Variants in CIITA observed in about 807,000 individuals in gnomAD.
The protein encoded by CIITA is class II major histocompatibility complex transactivator.
CIITA carries 72 observed loss-of-function variants against 115.1 expected under a neutral mutation model. The observed-to-expected ratio is 0.63, with a 90% CI of 0.52 to 0.76. The LOEUF (loss-of-function observed/expected upper bound fraction) is 0.76. Among genes scored for constraint, CIITA ranks in the 30% least tolerant of loss-of-function variants. The pLI is 0.00. For missense variants in CIITA, 1,617 were observed against 1,463.8 expected (o/e 1.10, Z -1.71); for synonymous variants, 763 against 635.6 (o/e 1.20, Z -3.02).
At chr16:10,915,144 G>A (rs2039863824) in intron 13 of CIITA, 1 of 425,030 alleles carries the variant, frequency 2.4e-6, no homozygotes, top group East Asian at 7.0e-5. Context: ...TCCACCTCCT[G>A]GGCTCAAGCG....
In CIITA at chr16:10,906,886, T is replaced by C. The variant is rs1387853135; in HGVS notation, c.1394T>C (p.Leu465Pro). 1 of 1,613,500 alleles carries C rather than the reference T, an allele frequency of 6.2e-7. No individual in the cohort carries two copies. The highest frequency in any genetic ancestry group is 1.7e-5 in the Admixed American group (1 of 60,022). ...CLNRPGDAYG[L>P]QDLLFSLGPQ... ...AACCGTCCGGGGGATGCCTATGGCC[T>C]GCAGGATCTGCTCTTCTCCCTGGGC... is the stretch of plus-strand genomic sequence containing the variant. The change falls in exon 11 of 20, where the codon CTG becomes CCG. Residue 465 changes from leucine (L) to proline (P), a missense_variant. Physicochemically the swap from Leu to Pro is moderately conservative, Grantham distance 98. Transcript: ENST00000324288.
chr16:10,880,238 C>T lies in CIITA; in HGVS notation c.52+2856C>T, dbSNP rs138866756. ...CAGGCTCCCCACACATGAACATCAC[C>T]TGGGATGATCAACCTGTTCAGGATG... is the stretch of plus-strand genomic sequence containing the variant. On this transcript the variant is annotated intron_variant, in intron 1 of 19. Transcript: ENST00000324288. Among the ~76,000 whole-genome samples, 807 of 152,222 alleles carry T rather than the reference C, an allele frequency of 5.3e-3. 7 individuals carry two copies. Among genetic ancestry groups the T allele is most frequent in the African/African-American group, 0.018 (762 of 41,524 alleles).
At chr16:10,872,961 C>T (rs1194748912), upstream of CIITA, among the ~76,000 whole-genome samples, 7 of 152,110 alleles carry the variant, frequency 4.6e-5, no homozygotes, top group Admixed American at 4.6e-4. Flanking sequence ...AATAGTGTAT[C>T]TTCTATTTTA....
At chr16:10,905,963 G>A (rs56242210) in intron 10 of CIITA, among the ~76,000 whole-genome samples, 3 of 152,070 alleles carry the variant, frequency 2.0e-5, no homozygotes, top group African/African-American at 2.4e-5. Flanking sequence ...AAGGCGGAAC[G>A]ATTGCTTGAG....
chr16:10,929,191 C>G lies in CIITA; in HGVS notation c.*5336C>G, dbSNP rs1273340276. 4.1e-6 allele frequency: 4 copies of G among 985,300 alleles called. No individual in the cohort carries two copies. The highest frequency in any genetic ancestry group is 3.6e-6 in the Non-Finnish European group (3 of 829,500). The allele number at this position is 985,300 out of a possible 1,614,324, so 61.0% of individuals were successfully genotyped here. The stretch of plus-strand genomic sequence containing the variant: ...ATCTAAGACCAGCCTCGGGCTAAAC[C>G]CAGCTGGCCTGAAGGCTCAACTCAC... On this transcript the variant is annotated 3_prime_UTR_variant, in exon 20 of 20. Coordinates refer to ENST00000324288, the MANE Select transcript of CIITA (RefSeq NM_000246.4). The surrounding 1 kb of genome is among the most constrained non-coding windows in gnomAD (Gnocchi z 4.3).
Position 10,926,767 on chromosome 16 carries a change from G to A in CIITA, c.*2912G>A, listed in dbSNP as rs972581714. The A allele has an allele frequency of 6.6e-6, 1 of 152,200 alleles. No homozygotes were observed. The highest frequency in any genetic ancestry group is 2.4e-5 in the African/African-American group (1 of 41,410). The allele number at this position is 152,200 out of a possible 1,614,324, so 9.4% of individuals were successfully genotyped here. A position where few individuals can be genotyped will look rare whatever the true frequency, so the allele number is the denominator to read the frequency against. On this transcript the variant is annotated 3_prime_UTR_variant, in exon 20 of 20. Transcript: ENST00000324288. ...TGTTGGCCAGGCTGGTAATCTGCCTGCCTTGGCCTCCCAAAGTGCTGGGAT... is the reference window on the plus strand; with the variant it reads ...TGTTGGCCAGGCTGGTAATCTGCCTACCTTGGCCTCCCAAAGTGCTGGGAT...
chr16:10,907,541 A>G lies in CIITA; in HGVS notation c.2049A>G (p.Ala683=). 1 of 1,614,116 alleles carries G rather than the reference A, an allele frequency of 6.2e-7. No homozygotes were observed. Among genetic ancestry groups the G allele is most frequent in the African/African-American group, 1.3e-5 (1 of 75,032 alleles). The change falls in exon 11 of 20, where the codon GCA becomes GCG. Residue 683 remains alanine, a synonymous_variant. Transcript: ENST00000324288. This position sits in a 1 kb window ranked among gnomAD's most constrained non-coding sequence, Gnocchi z 5.0. ...TACAGGAGGACCAGTTCCCATCCGCAGACGTGAGGACCTGGGCGATGGCCA... is the reference window on the plus strand; with the variant it reads ...TACAGGAGGACCAGTTCCCATCCGCGGACGTGAGGACCTGGGCGATGGCCA... ...STLQEDQFPS[A]DVRTWAMAKG...
rs1394004282 is a variant in CIITA, at chr16:10,902,016, AAC to A, written c.482-18_482-17del. The A allele has an allele frequency of 2.5e-6, 4 of 1,613,556 alleles. No individual in the cohort carries two copies. The African/African-American group carries it at 4.0e-5, about 16-fold the overall frequency. On this transcript the variant is annotated intron_variant, in intron 6 of 19. Transcript: ENST00000324288. ...AGGCCCCTCCAAGCACCCAGTCTCT[AAC>A]ACAGCCCACTTCCTCACAGCTGAGC...
chr16:10,914,499 ATT>A (rs2039815451), intron 13 of CIITA, among the ~76,000 whole-genome samples: 1 of 152,218 alleles, frequency 6.6e-6, no homozygotes, highest in Non-Finnish European at 1.5e-5. Context: ...TGGCACCATA[ATT>A]TTACCAAAGA....
rs780085024 is a variant in CIITA, at chr16:10,941,889, C to G, written n.1015C>G. Reference sequence around the variant, plus strand: ...CCATGAGGAAGGCGTAGTACAGGATCAGCACATTGACGAAGAACAGGCCCA... The same window carrying G: ...CCATGAGGAAGGCGTAGTACAGGATGAGCACATTGACGAAGAACAGGCCCA... On this transcript the variant is annotated non_coding_transcript_exon_variant, in exon 2 of 2. Transcript: ENST00000573379. This position sits in a 1 kb window ranked among gnomAD's most constrained non-coding sequence, Gnocchi z 6.4. 6.2e-7 allele frequency: 1 copy of G among 1,610,884 alleles called. No homozygotes were observed. The highest frequency in any genetic ancestry group is 8.5e-7 in the Non-Finnish European group (1 of 1,179,340).
At position 10,923,396 on chromosome 16, in the gene CIITA, CA is replaced by C. The variant is rs1357217249; in HGVS notation, c.*22+77del. On this transcript the variant is annotated intron_variant, in intron 19 of 19. Transcript: ENST00000324288. The surrounding 1 kb of genome is among the most constrained non-coding windows in gnomAD (Gnocchi z 5.2). ...GCAGTGTCCTTGTGAAGGTGGCATT[CA>C]AAAAATGTGGGCGGGACACAGGTGG... 11 of 1,262,678 alleles carry C rather than the reference CA, an allele frequency of 8.7e-6. No individual in the cohort carries two copies. The highest frequency in any genetic ancestry group is 2.3e-5 in the East Asian group (1 of 43,128). The allele number at this position is 1,262,678 out of a possible 1,614,324, so 78.2% of individuals were successfully genotyped here.
chr16:10,873,600 C>G (rs2035629240), upstream of CIITA, among the ~76,000 whole-genome samples: 1 of 152,086 alleles, frequency 6.6e-6, no homozygotes, highest in Non-Finnish European at 1.5e-5. Flanking sequence ...TGCAGGGAAC[C>G]AAGGTGCAAA....
Position 10,907,412 on chromosome 16 carries a change from CTA to C in CIITA, c.1922_1923del (p.Tyr641CysfsTer107). 6.2e-7 allele frequency: 1 copy of C among 1,613,196 alleles called. No homozygotes were observed. The highest frequency in any genetic ancestry group is 8.5e-7 in the Non-Finnish European group (1 of 1,179,886). ...AKLPSTLTGL[Y>X]VGLLGRAALD... ...AGCTGCCCTCCACGCTCACGGGACTCTATGTCGGCCTGCTGGGCCGTGCAGCC... is the reference window on the plus strand; with the variant it reads ...AGCTGCCCTCCACGCTCACGGGACTCTGTCGGCCTGCTGGGCCGTGCAGCC... On this transcript the variant is annotated frameshift_variant, in exon 11 of 20. Coordinates refer to ENST00000324288, the MANE Select transcript of CIITA (RefSeq NM_000246.4). LOFTEE classifies it high-confidence loss of function. This position sits in a 1 kb window ranked among gnomAD's most constrained non-coding sequence, Gnocchi z 5.0.
At chr16:10,891,299 G>A (rs1192737215) in intron 1 of CIITA, among the ~76,000 whole-genome samples, 1 of 151,966 alleles carries the variant, frequency 6.6e-6, no homozygotes, top group African/African-American at 2.4e-5. Context: ...AAGGGGCAGG[G>A]GCAGCCACCG....
At position 10,879,647 on chromosome 16, in the gene CIITA, A is replaced by AT. The variant is rs1348206378; in HGVS notation, c.52+2266dup. ...TGTTGTTGGGAGGGGTGGGGGAGGGATCCCCCCGGACTGAACCGATCTCTT... is the reference window on the plus strand; with the variant it reads ...TGTTGTTGGGAGGGGTGGGGGAGGGATTCCCCCCGGACTGAACCGATCTCTT... On this transcript the variant is annotated intron_variant, in intron 1 of 19. Transcript: ENST00000324288. The surrounding 1 kb of genome is among the most constrained non-coding windows in gnomAD (Gnocchi z 4.3). Among the ~76,000 whole-genome samples, 1 of 151,896 alleles carries AT rather than the reference A, an allele frequency of 6.6e-6. No homozygotes were observed. Among genetic ancestry groups the AT allele is most frequent in the African/African-American group, 2.4e-5 (1 of 41,352 alleles).
In CIITA at chr16:10,907,161, C is replaced by T. The variant is rs746543463; in HGVS notation, c.1669C>T (p.Leu557=). 6.2e-7 allele frequency: 1 copy of T among 1,613,472 alleles called. No individual in the cohort carries two copies. The highest frequency in any genetic ancestry group is 1.1e-5 in the South Asian group (1 of 91,088). The change falls in exon 11 of 20, where the codon CTG becomes TTG. Residue 557 remains leucine, a synonymous_variant. Coordinates refer to ENST00000324288, the MANE Select transcript of CIITA (RefSeq NM_000246.4). The surrounding 1 kb of genome is among the most constrained non-coding windows in gnomAD (Gnocchi z 5.0). The part of the protein sequence containing the change: ...ARPRGRLVQS[L]SKADALFELS... ...GCCCCGGGGCCGCCTGGTCCAGAGC[C>T]TGAGCAAGGCCGACGCCCTATTTGA... is the stretch of plus-strand genomic sequence containing the variant.
chr16:10,909,552 G>A (rs558484440), intron 12 of CIITA, among the ~76,000 whole-genome samples: 1 of 152,244 alleles, frequency 6.6e-6, no homozygotes, highest in South Asian at 2.1e-4. Context: ...ATTTATAGAC[G>A]GCAGAGCTAA....
chr16:10,897,794 T>C (rs2038284904), intron 3 of CIITA, among the ~76,000 whole-genome samples: 2 of 152,302 alleles, frequency 1.3e-5, no homozygotes, highest in South Asian at 4.1e-4. Flanking sequence ...ACCGTTATCA[T>C]TATTATCACC....
At position 10,907,961 on chromosome 16, in the gene CIITA, G is replaced by C; in HGVS notation, c.2469G>C (p.Gln823His). ...AGGCCGAGGAGGCTGGAATTTGGCA[G>C]CACGTGGTACAGGAGCTCCCCGGCC... ...AHEAEEAGIWQHVVQELPGRL... is the reference protein window; with the variant it reads ...AHEAEEAGIWHHVVQELPGRL... The change falls in exon 11 of 20, where the codon CAG becomes CAC. Residue 823 changes from glutamine to histidine, a missense_variant. By Grantham distance (24) the Gln-to-His change is conservative (BLOSUM62 0). Transcript: ENST00000324288. The surrounding 1 kb of genome is among the most constrained non-coding windows in gnomAD (Gnocchi z 5.0). 6.4e-7 allele frequency: 1 copy of C among 1,567,994 alleles called. No individual in the cohort carries two copies.
Sources: gnomAD v4.1 joint callset for allele counts (sites outside exome capture counted in the v4.1 genomes callset) on GRCh38, gnomAD v4.1.1 for gene constraint, Gnocchi (gnomAD v3.1) non-coding constraint, MANE v1.5 for transcripts, NCBI Gene and HGNC (gene_info 2026-07-23, HGNC 2026-07-21) for gene names.